Variants in PGS1 observed in about 807,000 individuals in gnomAD.
The protein encoded by PGS1 is phosphatidylglycerophosphate synthase 1.
A neutral mutation model predicts 58.3 loss-of-function variants in PGS1; 44 were observed. That is an observed-to-expected ratio of 0.75 (90% CI 0.59 to 0.97). The LOEUF is 0.97. PGS1 is among the 50% of genes least tolerant of loss of function. The pLI is 0.00. For synonymous variants in PGS1, 330 were observed against 311.0 expected (o/e 1.06, Z -0.64); for missense variants, 684 against 731.1 (o/e 0.94, Z 0.74).
At chr17:78,415,097 G>A (rs931885457) in intron 8 of PGS1, 70 bp downstream of exon 8, 2 of 1,568,554 alleles carry the variant, frequency 1.3e-6, no homozygotes, top group African/African-American at 1.4e-5. Context: ...CACCCGTGCT[G>A]TGGGGCTGCC....
intron 5 of PGS1, 137 bp downstream of exon 5, chr17:78,399,674 C>T: frequency 2.6e-6 from 2 of 769,138 alleles, no homozygotes; most frequent in Non-Finnish European, 4.2e-6. Context: ...GCACCCGCGG[C>T]ACCTCCCCGA....
At chr17:78,420,291 AGAGGCACCAGTGGGGTCCCACAGTCACCT>A (rs2085596425) in intron 9 of PGS1, 2 of 923,486 alleles carry the variant, frequency 2.2e-6, no homozygotes, top group South Asian at 9.9e-5. Context: ...CCGCTTCACC[AGAGGCACCAGTGGGGTCCCACAGTCACCT>A]GAGGTACCCC....
intron 1 of PGS1, among the ~76,000 whole-genome samples, chr17:78,388,553 C>T (rs2082575538): frequency 6.6e-6 from 1 of 151,722 alleles, no homozygotes; most frequent in African/African-American, 2.4e-5. Context: ...GCTATGTTGC[C>T]TAGGCTGGTC....
intron 7 of PGS1, among the ~76,000 whole-genome samples, chr17:78,411,119 A>G (rs1260003966): frequency 6.6e-6 from 1 of 152,188 alleles, no homozygotes; most frequent in African/African-American, 2.4e-5. Context: ...GCCTGAGTGA[A>G]GAGGGAGCAT....
intron 7 of PGS1, among the ~76,000 whole-genome samples, chr17:78,411,445 C>G (rs952613107): frequency 2.0e-5 from 3 of 152,158 alleles, no homozygotes; most frequent in African/African-American, 4.8e-5. Flanking sequence ...CCTCTGGTGT[C>G]CCCGCGACAC....
chr17:78,403,469 G>A (rs1237419881), intron 6 of PGS1, 99 bp from the exon 7 acceptor site: 1 of 1,225,876 alleles, frequency 8.2e-7, no homozygotes. Context: ...TCCAGTTGTA[G>A]CGTCTGCACT....
intron 6 of PGS1, among the ~76,000 whole-genome samples, chr17:78,402,683 G>T (rs2146224559): frequency 6.6e-6 from 1 of 152,282 alleles, no homozygotes; most frequent in East Asian, 1.9e-4. Context: ...CCTGGCCTCA[G>T]GTGATCTGCC....
intron 2 of PGS1, among the ~76,000 whole-genome samples, chr17:78,394,199 A>G (rs1387175662): frequency 6.6e-6 from 1 of 150,624 alleles, no homozygotes; most frequent in African/African-American, 2.4e-5. Context: ...AAAAAAAAAA[A>G]GAATGAAGGT....
At chr17:78,386,562 G>C (rs1471165261) in intron 1 of PGS1, among the ~76,000 whole-genome samples, 1 of 152,198 alleles carries the variant, frequency 6.6e-6, no homozygotes, top group Non-Finnish European at 1.5e-5. Context: ...TACTGGTTTA[G>C]TTCTCTAAAT....
At chr17:78,423,911 C>T (rs771217788) in intron 9 of PGS1, 150 bp from the exon 10 acceptor site, 1 of 1,613,976 alleles carries the variant, frequency 6.2e-7, no homozygotes, top group Non-Finnish European at 8.5e-7. Context: ...GCGAGCTAAA[C>T]CTGTAGGAGC....
chr17:78,383,321 G>A (rs902566027), intron 1 of PGS1, among the ~76,000 whole-genome samples: 2 of 151,958 alleles, frequency 1.3e-5, no homozygotes, highest in African/African-American at 4.8e-5. Flanking sequence ...CTGCCTCCTG[G>A]CTTCAAGCGA....
At chr17:78,389,341 C>T (rs2082644341) in intron 1 of PGS1, among the ~76,000 whole-genome samples, 1 of 151,910 alleles carries the variant, frequency 6.6e-6, no homozygotes, top group African/African-American at 2.4e-5. Flanking sequence ...GTGTGCGCCA[C>T]CATGCCCGGC....
chr17:78,422,368 C>T (rs1315808421), intron 9 of PGS1, among the ~76,000 whole-genome samples: 1 of 152,122 alleles, frequency 6.6e-6, no homozygotes, highest in Non-Finnish European at 1.5e-5. Context: ...TGTTGTGAAT[C>T]ATTACCCTCA....
chr17:78,400,910 C>T lies in PGS1; in HGVS notation c.880+55C>T. 1.4e-6 allele frequency: 2 copies of T among 1,448,650 alleles called. No homozygotes were observed. Among genetic ancestry groups the T allele is most frequent in the African/African-American group, 1.4e-5 (1 of 71,422 alleles). The allele number at this position is 1,448,650 out of a possible 1,614,324, so 89.7% of individuals were successfully genotyped here. On this transcript the variant is annotated intron_variant, in intron 6 of 9. Coordinates refer to ENST00000262764, the MANE Select transcript of PGS1 (RefSeq NM_024419.5). The surrounding 1 kb of genome is among the most constrained non-coding windows in gnomAD (Gnocchi z 4.4). ...GCTGTGGGTGGGGTGGAGTGAGGGC[C>T]CGGGAGAGCACAACTCTAGGTGGTT...
At chr17:78,404,196 T>G in intron 7 of PGS1, 107 bp downstream of exon 7, 2 of 1,234,316 alleles carry the variant, frequency 1.6e-6, no homozygotes, top group Non-Finnish European at 2.2e-6. Context: ...ACTTCTCCCT[T>G]CCTACCTTCC....
At chr17:78,399,631 C>A in intron 5 of PGS1, 94 bp downstream of exon 5, 1 of 1,237,790 alleles carries the variant, frequency 8.1e-7, no homozygotes, top group Non-Finnish European at 1.2e-6. Flanking sequence ...TCCCCTCAGT[C>A]TTGGAGAACC....
intron 1 of PGS1, among the ~76,000 whole-genome samples, chr17:78,384,044 C>T (rs756802238): frequency 7.2e-5 from 11 of 152,236 alleles, no homozygotes; most frequent in Non-Finnish European, 1.3e-4. Flanking sequence ...GATTGGTTCT[C>T]GTCAGGCACT....
At chr17:78,390,262 A>G (rs1174131950) in intron 1 of PGS1, among the ~76,000 whole-genome samples, 2 of 151,952 alleles carry the variant, frequency 1.3e-5, no homozygotes, top group South Asian at 2.1e-4. Context: ...TGCGTTACAC[A>G]TCTAGGCCCT....
chr17:78,390,951 T>C (rs866560649), intron 1 of PGS1, among the ~76,000 whole-genome samples: 1 of 151,906 alleles, frequency 6.6e-6, no homozygotes, highest in Admixed American at 6.6e-5. Context: ...CTTTTTTTTT[T>C]CTTCTTTGAG....
Sources: gnomAD v4.1 joint callset for allele counts (sites outside exome capture counted in the v4.1 genomes callset) on GRCh38, gnomAD v4.1.1 for gene constraint, Gnocchi (gnomAD v3.1) non-coding constraint, MANE v1.5 for transcripts, NCBI Gene and HGNC (gene_info 2026-07-23, HGNC 2026-07-21) for gene names.